GGACT: variants seen among roughly 807,000 people sequenced by gnomAD.
The protein encoded by GGACT is gamma-glutamylamine cyclotransferase, also known as gamma-glutamylaminecyclotransferase.
For synonymous variants in GGACT, 118 were observed against 115.3 expected, an observed-to-expected ratio of 1.02 and a Z score of -0.15; for missense variants, 241 against 233.2, an observed-to-expected ratio of 1.03 and a Z score of -0.22.
At chr13:100,585,822 CAAAAAAA>C (rs550006144) in intron 1 of GGACT, among the ~76,000 whole-genome samples, 25 of 29,540 alleles carry the variant, frequency 8.5e-4, no homozygotes, top group Non-Finnish European at 1.6e-3. Context: ...CTGTCTCCAC[CAAAAAAA>C]AAAAAAAAAA....
At chr13:100,551,288 A>C (rs1448114020) in intron 2 of GGACT, among the ~76,000 whole-genome samples, 2 of 152,062 alleles carry the variant, frequency 1.3e-5, no homozygotes, top group African/African-American at 2.4e-5. Context: ...TGTCTCAAAA[A>C]AAAAACAAAA....
intron 2 of GGACT, among the ~76,000 whole-genome samples, chr13:100,548,607 T>A (rs2088629502): frequency 6.6e-6 from 1 of 152,258 alleles, no homozygotes. Flanking sequence ...CTGGTTGCTT[T>A]GGGAGGATCA....
intron 2 of GGACT, among the ~76,000 whole-genome samples, chr13:100,573,956 T>A (rs774219892): frequency 2.9e-4 from 44 of 150,970 alleles, no homozygotes; most frequent in Non-Finnish European, 3.1e-4. Flanking sequence ...GAAATGTCAA[T>A]TAGTTCAGCT....
intron 2 of GGACT, among the ~76,000 whole-genome samples, chr13:100,565,014 A>G (rs1245800640): frequency 1.3e-5 from 2 of 152,246 alleles, no homozygotes; most frequent in South Asian, 4.1e-4. Flanking sequence ...TGATGCAAGG[A>G]AAAGCCTGTT....
chr13:100,535,136 C>T (rs984813473), intron 2 of GGACT, among the ~76,000 whole-genome samples: 4 of 152,350 alleles, frequency 2.6e-5, no homozygotes, highest in Middle Eastern at 3.4e-3. Context: ...CGGGCAGGGC[C>T]GTAGTCACAC....
intron 2 of GGACT, among the ~76,000 whole-genome samples, chr13:100,564,092 C>T (rs1415499223): frequency 6.6e-6 from 1 of 152,182 alleles, no homozygotes; most frequent in Non-Finnish European, 1.5e-5. Flanking sequence ...AGCTTCAACG[C>T]TGATGTTCTA....
chr13:100,538,935 T>G (rs539527733), intron 2 of GGACT: 45 of 152,368 alleles, frequency 3.0e-4, no homozygotes, highest in Middle Eastern at 3.4e-3. Context: ...ACATCTTGCC[T>G]GCTTGGTTAA....
Position 100,570,478 on chromosome 13 carries a change from G to T in GGACT, c.-11+13347C>A, listed in dbSNP as rs902039937. On this transcript the variant is annotated intron_variant, in intron 2 of 2. Transcript: ENST00000683975. ...GAACTCACTATCACAAGAACAGGAT[G>T]GGGGGGAACCGCTGCCATGATTCAG... Among the ~76,000 whole-genome samples, 87 of 151,580 alleles carry T rather than the reference G, an allele frequency of 5.7e-4. 1 individual carries two copies. Among genetic ancestry groups the T allele is most frequent in the African/African-American group, 2.0e-3 (81 of 41,492 alleles).
intron 2 of GGACT, among the ~76,000 whole-genome samples, chr13:100,571,476 T>C (rs1875080541): frequency 6.6e-6 from 1 of 152,142 alleles, no homozygotes; most frequent in Non-Finnish European, 1.5e-5. Context: ...ACTTTCTTTT[T>C]TTAGTTTTAA....
chr13:100,570,154 C>A (rs1459051390), intron 2 of GGACT, among the ~76,000 whole-genome samples: 1 of 152,208 alleles, frequency 6.6e-6, no homozygotes, highest in African/African-American at 2.4e-5. Context: ...GCCTGTTACC[C>A]AGTTCCAAAG....
intron 2 of GGACT, among the ~76,000 whole-genome samples, chr13:100,563,997 G>C (rs2088788027): frequency 6.6e-6 from 1 of 152,194 alleles, no homozygotes; most frequent in Non-Finnish European, 1.5e-5. Flanking sequence ...GGGAAGCCTG[G>C]GGCAGTCTCG....
chr13:100,550,417 TACAC>T (rs61669253), intron 2 of GGACT, among the ~76,000 whole-genome samples: 11,159 of 72,390 alleles, frequency 0.15, 2,285 homozygotes, highest in Middle Eastern at 0.25. Flanking sequence ...GATTATACTC[TACAC>T]ACACACACAC....
intron 2 of GGACT, among the ~76,000 whole-genome samples, chr13:100,573,904 G>C (rs949983879): frequency 1.4e-5 from 2 of 145,900 alleles, no homozygotes; most frequent in Non-Finnish European, 3.0e-5. Flanking sequence ...AAAAAAACAT[G>C]CTGGCGAGGC....
At chr13:100,563,943 G>A (rs1370296490) in intron 2 of GGACT, among the ~76,000 whole-genome samples, 4 of 152,104 alleles carry the variant, frequency 2.6e-5, no homozygotes, top group African/African-American at 9.7e-5. Context: ...GAACCCCTGG[G>A]GGCCTGTGGG....
At chr13:100,588,368 G>C (rs973981107) in intron 1 of GGACT, among the ~76,000 whole-genome samples, 3 of 152,342 alleles carry the variant, frequency 2.0e-5, no homozygotes, top group African/African-American at 7.2e-5. Context: ...AGAAGTGTTA[G>C]CCCGGTTCAG....
Position 100,571,956 on chromosome 13 carries a change from A to T in GGACT, c.-11+11869T>A, listed in dbSNP as rs1369515025. ...TTAACCTTTTTTAACTTACTCAAAC[A>T]TACAAAAAGCCATACACTAGTTATC... On this transcript the variant is annotated intron_variant, in intron 2 of 2. Coordinates refer to ENST00000683975, the MANE Select transcript of GGACT (RefSeq NM_001195087.2). Among the ~76,000 whole-genome samples, 3 of 152,220 alleles carry T rather than the reference A, an allele frequency of 2.0e-5. No individual in the cohort carries two copies. The East Asian group carries it at 5.8e-4, about 29-fold the overall frequency.
chr13:100,580,496 C>A (rs149858144), intron 2 of GGACT, among the ~76,000 whole-genome samples: 121 of 152,322 alleles, frequency 7.9e-4, no homozygotes, highest in Admixed American at 2.7e-3. Context: ...GGAGGGAGGG[C>A]AGCCCTGACA....
chr13:100,551,201 A>G (rs990199100), intron 2 of GGACT, among the ~76,000 whole-genome samples: 13 of 151,890 alleles, frequency 8.6e-5, no homozygotes, highest in Admixed American at 1.3e-4. Context: ...GGAGAATGGC[A>G]TGAATCCGGG....
intron 2 of GGACT, among the ~76,000 whole-genome samples, chr13:100,565,171 T>C (rs559335330): frequency 4.0e-4 from 61 of 152,286 alleles, no homozygotes; most frequent in African/African-American, 1.4e-3. Flanking sequence ...CTTGGTGAGA[T>C]GAAAAATCTA....
Sources: allele counts gnomAD v4.1 joint callset (sites outside exome capture counted in the v4.1 genomes callset), GRCh38; gene constraint gnomAD v4.1.1; transcripts MANE v1.5; gene names NCBI Gene and HGNC (gene_info 2026-07-23, HGNC 2026-07-21).